LYZL1: variants seen among roughly 807,000 people sequenced by gnomAD.
LYZL1 encodes the protein lysozyme-like protein 1.
Under a neutral mutation model 17.9 loss-of-function variants are expected in LYZL1, and 16 were observed. The ratio of observed to expected loss-of-function variants is 0.90; its 90% CI spans 0.61 to 1.36. The LOEUF is 1.36. Ranked by LOEUF, LYZL1 falls within the 40% of genes most tolerant of loss-of-function variation. The pLI is 0.00. For synonymous variants in LYZL1, 58 were observed against 71.8 expected (o/e 0.81, Z 0.97); for missense variants, 149 against 188.4 (o/e 0.79, Z 1.22).
At position 29,289,442 on chromosome 10, in the gene LYZL1, G is replaced by C. The variant is rs574382926; in HGVS notation, c.-26+212G>C. Among the ~76,000 whole-genome samples, 34 of 146,364 alleles carry C rather than the reference G, an allele frequency of 2.3e-4. No individual in the cohort carries two copies. In the East Asian group the frequency reaches 6.7e-3, roughly 29 times the overall value. On this transcript the variant is annotated intron_variant, in intron 1 of 4. Transcript: ENST00000649382. ...CTTTTTTTTTTTTTTTTTTAGACAG[G>C]GTCTCTCACTCTGCTGCCCAGGCTG...
chr10:29,298,779 GT>G (rs1437065832), intron 3 of LYZL1, among the ~76,000 whole-genome samples: 1 of 152,100 alleles, frequency 6.6e-6, no homozygotes. Context: ...AGAGAATATG[GT>G]CTATATCAGC....
At chr10:29,314,579 A>C (rs1219252937), downstream of LYZL1, among the ~76,000 whole-genome samples, 3 of 152,020 alleles carry the variant, frequency 2.0e-5, no homozygotes, top group Admixed American at 6.6e-5. Context: ...TAGCCACTGC[A>C]CTCCAGCCTG....
chr10:29,312,724 C>T (rs1227188974), downstream of LYZL1, among the ~76,000 whole-genome samples: 1 of 152,156 alleles, frequency 6.6e-6, no homozygotes, highest in Non-Finnish European at 1.5e-5. Flanking sequence ...CCCCTCCTGG[C>T]TCCCATGGCG....
chr10:29,305,256 C>A (rs561200477), intron 3 of LYZL1, among the ~76,000 whole-genome samples: 115 of 152,200 alleles, frequency 7.6e-4, no homozygotes, highest in Non-Finnish European at 1.3e-3. Context: ...GTACCAAATG[C>A]TTAAATTTGG....
chr10:29,316,961 T>A (rs1835740281), intron 3 of LYZL1, among the ~76,000 whole-genome samples: 1 of 152,172 alleles, frequency 6.6e-6, no homozygotes, highest in Non-Finnish European at 1.5e-5. Context: ...CAAGCGATCC[T>A]CCCACCTCAG....
intron 3 of LYZL1, among the ~76,000 whole-genome samples, chr10:29,293,134 C>CTTTTTTTT (rs11453474): frequency 3.4e-4 from 41 of 121,024 alleles, no homozygotes; most frequent in East Asian, 4.9e-4. Flanking sequence ...TTTCTTTTTT[C>CTTTTTTTT]TTTTTTTTTT....
chr10:29,300,605 G>A (rs1165538005), intron 3 of LYZL1, among the ~76,000 whole-genome samples: 1 of 151,982 alleles, frequency 6.6e-6, no homozygotes, highest in African/African-American at 2.4e-5. Context: ...TCCTTTGGTG[G>A]ATTTATTTGG....
At chr10:29,316,707 C>CTTTTTTTT (rs201357117) in intron 3 of LYZL1, among the ~76,000 whole-genome samples, 2 of 126,388 alleles carry the variant, frequency 1.6e-5, no homozygotes, top group Admixed American at 8.5e-5. Context: ...TTTCCTTTTC[C>CTTTTTTTT]TTTTTTTTTT....
intron 3 of LYZL1, among the ~76,000 whole-genome samples, chr10:29,303,517 T>A (rs1835549610): frequency 6.6e-6 from 1 of 152,138 alleles, no homozygotes; most frequent in Admixed American, 6.6e-5. Context: ...TAAATGCAGA[T>A]TACTAATTTA....
intron 1 of LYZL1, among the ~76,000 whole-genome samples, chr10:29,291,452 G>A (rs1488536950): frequency 7.3e-5 from 11 of 151,654 alleles, no homozygotes; most frequent in African/African-American, 2.7e-4. Flanking sequence ...ATGGACCCAC[G>A]CAGTTCAAAC....
At chr10:29,309,215 G>A (rs1835636776) in intron 3 of LYZL1, among the ~76,000 whole-genome samples, 3 of 151,968 alleles carry the variant, frequency 2.0e-5, no homozygotes, top group South Asian at 4.2e-4. Flanking sequence ...TGTAATTCCA[G>A]CTACTGGGGA....
intron 3 of LYZL1, among the ~76,000 whole-genome samples, chr10:29,308,239 T>C (rs751839961): frequency 3.6e-4 from 55 of 152,328 alleles, no homozygotes; most frequent in Non-Finnish European, 6.2e-4. Flanking sequence ...GTGCAGGTTG[T>C]TCCCTTCCGG....
intron 3 of LYZL1, among the ~76,000 whole-genome samples, chr10:29,300,224 T>C (rs1192440172): frequency 7.0e-6 from 1 of 143,588 alleles, no homozygotes; most frequent in Non-Finnish European, 1.5e-5. Context: ...TTCCATTTTT[T>C]CTGCTTTCTT....
downstream of LYZL1, among the ~76,000 whole-genome samples, chr10:29,313,231 A>AATTTT (rs1835693519): frequency 6.6e-6 from 1 of 152,260 alleles, no homozygotes. Flanking sequence ...ATTGAAAAGT[A>AATTTT]ATTTTATAAG....
At chr10:29,300,519 C>G (rs1835502869) in intron 3 of LYZL1, among the ~76,000 whole-genome samples, 1 of 151,970 alleles carries the variant, frequency 6.6e-6, no homozygotes, top group African/African-American at 2.4e-5. Context: ...AAACAATTGT[C>G]TTTTAAATAA....
At chr10:29,306,753 C>T (rs1835600142) in intron 3 of LYZL1, among the ~76,000 whole-genome samples, 1 of 149,152 alleles carries the variant, frequency 6.7e-6, no homozygotes, top group Non-Finnish European at 1.5e-5. Context: ...TTATTACAAT[C>T]AAGTTTAACA....
chr10:29,291,493 A>T (rs1835364726), intron 1 of LYZL1, among the ~76,000 whole-genome samples: 1 of 151,822 alleles, frequency 6.6e-6, no homozygotes, highest in Non-Finnish European at 1.5e-5. Flanking sequence ...CAGTATAGGG[A>T]ATGTTTCACC....
intron 3 of LYZL1, among the ~76,000 whole-genome samples, chr10:29,317,152 A>G (rs1303718103): frequency 6.6e-6 from 1 of 152,222 alleles, no homozygotes; most frequent in Non-Finnish European, 1.5e-5. Flanking sequence ...TAGGAACAGC[A>G]TAACAGTTAC....
chr10:29,295,689 A>T (rs1318448733), intron 3 of LYZL1, among the ~76,000 whole-genome samples: 1 of 152,194 alleles, frequency 6.6e-6, no homozygotes, highest in East Asian at 1.9e-4. Context: ...GTCTAATCTC[A>T]TGAGTCTTTA....
Sources: gnomAD v4.1 joint callset for allele counts (sites outside exome capture counted in the v4.1 genomes callset) on GRCh38, gnomAD v4.1.1 for gene constraint, MANE v1.5 for transcripts, NCBI Gene and HGNC (gene_info 2026-07-23, HGNC 2026-07-21) for gene names.